Variants in KBTBD11 observed in about 807,000 individuals in gnomAD.
The protein encoded by KBTBD11 is kelch repeat and BTB domain containing 11.
For missense variants in KBTBD11, 1,390 were observed against 1,001.8 expected, an observed-to-expected ratio of 1.39 and a Z score of -5.23; for synonymous variants, 747 against 499.0, an observed-to-expected ratio of 1.50 and a Z score of -6.63.
At chr8:1,980,237 T>G (rs560352564) in intron 1 of KBTBD11, among the ~76,000 whole-genome samples, 24 of 149,908 alleles carry the variant, frequency 1.6e-4, no homozygotes, top group African/African-American at 5.6e-4. Context: ...ACTTTTTTTT[T>G]TTTTTTTTGA....
chr8:1,986,972 A>G (rs976184821), intron 1 of KBTBD11, among the ~76,000 whole-genome samples: 8 of 148,404 alleles, frequency 5.4e-5, no homozygotes, highest in African/African-American at 2.0e-4. Context: ...CAGGAGTTGA[A>G]GACAGCCTGG....
In KBTBD11 at chr8:2,003,013, C is replaced by A. The variant is rs771092548; in HGVS notation, c.1821C>A (p.Phe607Leu). 3.9e-6 allele frequency: 5 copies of A among 1,281,544 alleles called. No homozygotes were observed. The East Asian group carries it at 1.6e-4, about 40-fold the overall frequency. 79.4% of individuals were successfully genotyped at this position (1,281,544 alleles called of 1,614,324 possible). A position where few individuals can be genotyped will look rare whatever the true frequency, so the allele number is the denominator to read the frequency against. ...ACGTCCGGGGTGTGCTCATCCCGTTCGCTCTCAGCCTGCCTGAGAAGCCGC... is the reference window on the plus strand; with the variant it reads ...ACGTCCGGGGTGTGCTCATCCCGTTAGCTCTCAGCCTGCCTGAGAAGCCGC... ...PLDVRGVLIP[F>L]ALSLPEKPPR... Residue 607 changes from phenylalanine (F) to leucine (L), a missense_variant, in exon 2 of 2, where the codon TTC (phenylalanine) becomes TTA (leucine). By Grantham distance (22) the Phe-to-Leu change is conservative. Coordinates refer to ENST00000320248, the MANE Select transcript of KBTBD11 (RefSeq NM_014867.3).
intron 1 of KBTBD11, among the ~76,000 whole-genome samples, chr8:1,992,072 C>G (rs13278963): frequency 0.65 from 98,956 of 151,888 alleles, 33,724 homozygotes; most frequent in East Asian, 0.83. Flanking sequence ...TCTGAAAGGT[C>G]CCTGAGCAGC....
At chr8:1,988,754 C>T (rs1228410941) in intron 1 of KBTBD11, among the ~76,000 whole-genome samples, 3 of 152,228 alleles carry the variant, frequency 2.0e-5, no homozygotes, top group Non-Finnish European at 4.4e-5. Context: ...GGGACCAAGT[C>T]TGTCTCATTC....
rs967740592 is a variant in KBTBD11 at position 1,973,741 on chromosome 8, G to A, written c.-1103G>A. 1.1e-4 allele frequency: 112 copies of A among 983,806 alleles called. No individual in the cohort carries two copies. The African/African-American group carries it at 1.8e-3, about 16-fold the overall frequency. The allele number at this position is 983,806 out of a possible 1,614,324, so 60.9% of individuals were successfully genotyped here. Reference sequence around the variant, plus strand: ...CTGGCTCCGCGCGGCCTGGAGAGGCGGAGAGGCCTGTCCACCGCCCCCTCT... The same window carrying A: ...CTGGCTCCGCGCGGCCTGGAGAGGCAGAGAGGCCTGTCCACCGCCCCCTCT... On this transcript the variant is annotated 5_prime_UTR_variant, in exon 1 of 2. Coordinates refer to ENST00000320248, the MANE Select transcript of KBTBD11 (RefSeq NM_014867.3).
At position 2,002,846 on chromosome 8, in the gene KBTBD11, C is replaced by T; in HGVS notation, c.1654C>T (p.Pro552Ser). 1 of 1,404,504 alleles carries T rather than the reference C, an allele frequency of 7.1e-7. No homozygotes were observed. The highest frequency in any genetic ancestry group is 9.2e-7 in the Non-Finnish European group (1 of 1,089,262). The allele number at this position is 1,404,504 out of a possible 1,614,324, so 87.0% of individuals were successfully genotyped here. ...CCCCGGCGGCCCCACGGGCCTGCAGCCCTTCCGCTGCGCCGCCCTGGACGG... is the reference window on the plus strand; with the variant it reads ...CCCCGGCGGCCCCACGGGCCTGCAGTCCTTCCGCTGCGCCGCCCTGGACGG... Reference protein sequence around the residue: ...RLPGGPTGLQPFRCAALDGAI... With the variant: ...RLPGGPTGLQSFRCAALDGAI... Residue 552 changes from proline to serine, a missense_variant, in exon 2 of 2, where the codon CCC becomes TCC. Coordinates refer to ENST00000320248, the MANE Select transcript of KBTBD11 (RefSeq NM_014867.3). This position sits in a 1 kb window ranked among gnomAD's most constrained non-coding sequence, Gnocchi z 4.1.
intron 1 of KBTBD11, among the ~76,000 whole-genome samples, chr8:1,980,925 G>T (rs1404224704): frequency 6.6e-6 from 1 of 152,208 alleles, no homozygotes; most frequent in Non-Finnish European, 1.5e-5. Flanking sequence ...GGGATTTGTG[G>T]AAATCTTTGC....
rs1159768841 is a variant in KBTBD11, at chr8:2,006,690, C to T, written c.*3626C>T. 4 of 167,098 alleles carry T rather than the reference C, an allele frequency of 2.4e-5. No individual in the cohort carries two copies. Among genetic ancestry groups the T allele is most frequent in the Non-Finnish European group, 4.4e-5 (3 of 68,130 alleles). The allele number at this position is 167,098 out of a possible 1,614,324, so 10.4% of individuals were successfully genotyped here. Reference sequence around the variant, plus strand: ...GATTGAACGCATATGAAACAGGAGACGGGTTCTCATGTGAGATCAAAGCTC... The same window carrying T: ...GATTGAACGCATATGAAACAGGAGATGGGTTCTCATGTGAGATCAAAGCTC... On this transcript the variant is annotated 3_prime_UTR_variant, in exon 2 of 2. Coordinates refer to ENST00000320248, the MANE Select transcript of KBTBD11 (RefSeq NM_014867.3).
rs750716692 is a variant in KBTBD11 at position 2,001,996 on chromosome 8, C to T, written c.804C>T (p.Arg268=). ...FMSDHYLEVL[R]EPAVFGRLSG... ...GCGACCACTATCTGGAGGTGCTGCG[C>T]GAGCCCGCCGTGTTCGGCCGCCTGT... The change falls in exon 2 of 2, where the codon CGC becomes CGT. Residue 268 remains arginine, a synonymous_variant. Transcript: ENST00000320248. 13 of 1,414,878 alleles carry T rather than the reference C, an allele frequency of 9.2e-6. No individual in the cohort carries two copies. The highest frequency in any genetic ancestry group is 1.2e-5 in the Non-Finnish European group (13 of 1,076,964). 87.6% of individuals were successfully genotyped at this position (1,414,878 alleles called of 1,614,324 possible).
intron 1 of KBTBD11, among the ~76,000 whole-genome samples, chr8:1,993,524 T>TCCATCCACCCACCCAC (rs1817009324): frequency 2.2e-5 from 2 of 91,242 alleles, no homozygotes; most frequent in Non-Finnish European, 4.2e-5. Flanking sequence ...CATCCACCCA[T>TCCATCCACCCACCCAC]CCATCCACCC....
At chr8:1,979,766 G>A (rs1369019568) in intron 1 of KBTBD11, among the ~76,000 whole-genome samples, 1 of 152,226 alleles carries the variant, frequency 6.6e-6, no homozygotes, top group Non-Finnish European at 1.5e-5. Flanking sequence ...GCAGACAGGG[G>A]TGTGTGGCCC....
rs762461613 is a variant in KBTBD11, at chr8:2,001,993, G to A, written c.801G>A (p.Leu267=). 2.9e-5 allele frequency: 41 copies of A among 1,426,800 alleles called. No homozygotes were observed. The highest frequency in any genetic ancestry group is 3.5e-5 in the Non-Finnish European group (38 of 1,083,754). The allele number at this position is 1,426,800 out of a possible 1,614,324, so 88.4% of individuals were successfully genotyped here. ...TGAGCGACCACTATCTGGAGGTGCT[G>A]CGCGAGCCCGCCGTGTTCGGCCGCC... ...CFMSDHYLEV[L]REPAVFGRLS... Residue 267 remains leucine (L), a synonymous_variant, in exon 2 of 2, where the codon CTG becomes CTA. Transcript: ENST00000320248.
chr8:1,988,510 G>T (rs548120370), intron 1 of KBTBD11, among the ~76,000 whole-genome samples: 20 of 152,270 alleles, frequency 1.3e-4, no homozygotes, highest in East Asian at 7.7e-4. Context: ...TCATGTGTCT[G>T]TCGGCTGCAT....
chr8:2,001,523 C>T lies in KBTBD11; in HGVS notation c.331C>T (p.Arg111Cys), dbSNP rs975476594. The T allele has an allele frequency of 5.3e-5, 75 of 1,420,542 alleles. No homozygotes were observed. Among genetic ancestry groups the T allele is most frequent in the Admixed American group, 1.2e-4 (4 of 33,732 alleles). The allele number at this position is 1,420,542 out of a possible 1,614,324, so 88.0% of individuals were successfully genotyped here. A position where few individuals can be genotyped will look rare whatever the true frequency, so the allele number is the denominator to read the frequency against. Residue 111 changes from arginine to cysteine, a missense_variant, in exon 2 of 2, where the codon CGC becomes TGC. Physicochemically the swap from Arg to Cys is radical, Grantham distance 180. Transcript: ENST00000320248. ...GCCCGCGGCGCCGTCCCCCGAACCGCGCGTTTGGCTTGAGGACCCCGCGTC... is the reference window on the plus strand; with the variant it reads ...GCCCGCGGCGCCGTCCCCCGAACCGTGCGTTTGGCTTGAGGACCCCGCGTC... ...EEPAAPSPEPRVWLEDPASPE... is the reference protein window; with the variant it reads ...EEPAAPSPEPCVWLEDPASPE...
At chr8:1,998,397 C>T (rs1432374704) in intron 1 of KBTBD11, among the ~76,000 whole-genome samples, 1 of 152,192 alleles carries the variant, frequency 6.6e-6, no homozygotes, top group Admixed American at 6.5e-5. Flanking sequence ...ACTTATCAAA[C>T]ACTCTTTCAG....
chr8:1,982,820 G>A (rs1816584242), intron 1 of KBTBD11, among the ~76,000 whole-genome samples: 1 of 151,180 alleles, frequency 6.6e-6, no homozygotes, highest in Admixed American at 6.6e-5. Context: ...TCAGCTCACT[G>A]CAACTTCCAC....
chr8:1,985,176 T>C (rs7018066), intron 1 of KBTBD11, among the ~76,000 whole-genome samples: 144,505 of 152,344 alleles, frequency 0.95, 68,607 homozygotes, highest in East Asian at 1. Context: ...GATGGCCGAA[T>C]GCAGGTGACC....
At position 2,006,338 on chromosome 8, in the gene KBTBD11, A is replaced by C. The variant is rs1029648987; in HGVS notation, c.*3274A>C. On this transcript the variant is annotated 3_prime_UTR_variant, in exon 2 of 2. Coordinates refer to ENST00000320248, the MANE Select transcript of KBTBD11 (RefSeq NM_014867.3). ...GATTCAAGACATAATCTCTTGTAAG[A>C]TCTAAATAGAGCAAATGTAAACAAA... 1.2e-5 allele frequency: 2 copies of C among 167,094 alleles called. No individual in the cohort carries two copies. Among genetic ancestry groups the C allele is most frequent in the African/African-American group, 4.8e-5 (2 of 41,468 alleles). The allele number at this position is 167,094 out of a possible 1,614,324, so 10.4% of individuals were successfully genotyped here. A position where few individuals can be genotyped will look rare whatever the true frequency, so the allele number is the denominator to read the frequency against.
intron 1 of KBTBD11, among the ~76,000 whole-genome samples, chr8:1,995,091 A>G (rs555448067): frequency 5.6e-4 from 83 of 149,536 alleles, no homozygotes; most frequent in Non-Finnish European, 7.4e-4. Flanking sequence ...AAGCTAAAAG[A>G]GTATATACAT....
Sources: allele counts gnomAD v4.1 joint callset (sites outside exome capture counted in the v4.1 genomes callset), GRCh38; gene constraint gnomAD v4.1.1; non-coding constraint Gnocchi (gnomAD v3.1); transcripts MANE v1.5; gene names NCBI Gene and HGNC (gene_info 2026-07-23, HGNC 2026-07-21).